Variants in HDGFL3 observed in about 807,000 individuals in gnomAD.
HDGFL3 encodes HDGF like 3, also known as hepatoma-derived growth factor-related protein 3.
HDGFL3 carries 6 observed loss-of-function variants against 27.6 expected under a neutral mutation model. The ratio of observed to expected loss-of-function variants is 0.22; its 90% CI spans 0.12 to 0.43. The LOEUF (loss-of-function observed/expected upper bound fraction) is 0.43. HDGFL3 is among the 20% of genes least tolerant of loss of function. HDGFL3 has a pLI of 1.00. For missense variants in HDGFL3, 207 were observed against 250.1 expected, an observed-to-expected ratio of 0.83 and a Z score of 1.16; for synonymous variants, 88 against 88.9, an observed-to-expected ratio of 0.99 and a Z score of 0.05.
intron 2 of HDGFL3, among the ~76,000 whole-genome samples, chr15:83,158,645 T>C (rs1031256073): frequency 1.3e-5 from 2 of 152,172 alleles, no homozygotes; most frequent in Non-Finnish European, 2.9e-5. Context: ...ATCATCCCTT[T>C]GTCCAGCATA....
At chr15:83,141,843 C>A (rs1206717267) in intron 5 of HDGFL3, among the ~76,000 whole-genome samples, 1 of 151,996 alleles carries the variant, frequency 6.6e-6, no homozygotes, top group African/African-American at 2.4e-5. Context: ...TTTGGAAGAC[C>A]CAAGTAATTC....
chr15:83,139,964 T>C (rs961922270), intron 5 of HDGFL3, among the ~76,000 whole-genome samples: 6 of 152,150 alleles, frequency 3.9e-5, no homozygotes, highest in African/African-American at 1.2e-4. Context: ...TGCTATTTTT[T>C]CCCCCTCATC....
At chr15:83,186,407 G>A (rs1292798833) in intron 1 of HDGFL3, among the ~76,000 whole-genome samples, 1 of 152,156 alleles carries the variant, frequency 6.6e-6, no homozygotes, top group African/African-American at 2.4e-5. Flanking sequence ...TTAACCTATT[G>A]TAATTTCCAT....
At chr15:83,139,428 T>G (rs113889907) in intron 5 of HDGFL3, among the ~76,000 whole-genome samples, 153 bp from the exon 6 acceptor site, 1 of 152,184 alleles carries the variant, frequency 6.6e-6, no homozygotes, top group African/African-American at 2.4e-5. Flanking sequence ...CAAGAGCAGC[T>G]TCTGTGGCTT....
At chr15:83,172,993 C>G (rs1487988855) in intron 1 of HDGFL3, among the ~76,000 whole-genome samples, 1 of 152,100 alleles carries the variant, frequency 6.6e-6, no homozygotes, top group Non-Finnish European at 1.5e-5. Context: ...AGAAAATTCA[C>G]GTAGAAGTGG....
intron 1 of HDGFL3, among the ~76,000 whole-genome samples, chr15:83,190,714 C>A (rs2037501534): frequency 6.6e-6 from 1 of 152,018 alleles, no homozygotes; most frequent in South Asian, 2.1e-4. Flanking sequence ...CATTTTGTGG[C>A]TTATCTTTTC....
At position 83,139,149 on chromosome 15, in the gene HDGFL3, T is replaced by G; in HGVS notation, c.*121A>C. 1.9e-6 allele frequency: 1 copy of G among 537,850 alleles called. No individual in the cohort carries two copies. Among genetic ancestry groups the G allele is most frequent in the Non-Finnish European group, 3.1e-6 (1 of 321,092 alleles). 33.3% of individuals were successfully genotyped at this position (537,850 alleles called of 1,614,324 possible). On this transcript the variant is annotated 3_prime_UTR_variant, in exon 6 of 6. Transcript: ENST00000299633. ...GAATATGAATAATGTACATACAAAC[T>G]GGGGTTCTGTCAATGACAACAAGGA...
chr15:83,115,306 C>T (rs150845598), exon 4 of HDGFL3: 12,394 of 225,520 alleles, frequency 0.055, 438 homozygotes, highest in Middle Eastern at 0.12. Context: ...TTAGTAGAGA[C>T]GGGGTTTCAA....
rs556424474 is a variant in HDGFL3, at chr15:83,147,342, G to T, written c.606+3873C>A. 3.9e-5 allele frequency among the ~76,000 whole-genome samples: 6 copies of T among 152,166 alleles called. No homozygotes were observed. The East Asian group carries it at 1.2e-3, about 29-fold the overall frequency. On this transcript the variant is annotated intron_variant, in intron 5 of 5. Transcript: ENST00000299633. ...CCCAAAGTGCTGGGACTACAGGTGT[G>T]AGCCACCGCACCTGGCCCTACCTTC...
chr15:83,125,662 T>C (rs530224502), downstream of HDGFL3, among the ~76,000 whole-genome samples: 1 of 152,334 alleles, frequency 6.6e-6, no homozygotes, highest in East Asian at 1.9e-4. Context: ...AATTATATTG[T>C]TAATTATATT....
chr15:83,126,415 G>T (rs1435715418), downstream of HDGFL3, among the ~76,000 whole-genome samples: 2 of 152,178 alleles, frequency 1.3e-5, no homozygotes, highest in African/African-American at 2.4e-5. Flanking sequence ...TTTTCTTCCT[G>T]TAGGGAATAG....
At chr15:83,195,411 ATG>A (rs1040208324) in intron 1 of HDGFL3, among the ~76,000 whole-genome samples, 2 of 152,100 alleles carry the variant, frequency 1.3e-5, no homozygotes, top group Non-Finnish European at 2.9e-5. Context: ...TACTGAATAA[ATG>A]TGTCTTTTTA....
intron 5 of HDGFL3, among the ~76,000 whole-genome samples, chr15:83,149,765 G>C (rs771689502): frequency 1.3e-5 from 2 of 152,170 alleles, no homozygotes; most frequent in Non-Finnish European, 2.9e-5. Context: ...AGGGAAAAGT[G>C]AAAAGGGTAA....
At chr15:83,180,263 A>G (rs928005018) in intron 1 of HDGFL3, among the ~76,000 whole-genome samples, 2 of 152,188 alleles carry the variant, frequency 1.3e-5, no homozygotes, top group African/African-American at 4.8e-5. Context: ...CAAATTACTA[A>G]GAAAAATTAT....
intron 4 of HDGFL3, among the ~76,000 whole-genome samples, chr15:83,156,566 T>C (rs2037032175): frequency 6.6e-6 from 1 of 152,252 alleles, no homozygotes; most frequent in Non-Finnish European, 1.5e-5. Flanking sequence ...TTTACAGTCA[T>C]GTCACATAGT....
intron 1 of HDGFL3, among the ~76,000 whole-genome samples, chr15:83,186,479 A>G (rs62010247): frequency 0.031 from 4,690 of 152,332 alleles, 104 homozygotes; most frequent in Non-Finnish European, 0.047. Context: ...AAGACAGCAA[A>G]AGAACATAGA....
chr15:83,124,059 A>G (rs1226989788), downstream of HDGFL3, among the ~76,000 whole-genome samples: 5 of 152,198 alleles, frequency 3.3e-5, no homozygotes, highest in African/African-American at 7.2e-5. Flanking sequence ...TACATTAAGT[A>G]TAACAGTGAA....
rs2036118614 is a variant in HDGFL3, at chr15:83,130,137, G to A, written c.*9133C>T. 1 of 152,284 alleles carries A rather than the reference G, an allele frequency of 6.6e-6. No homozygotes were observed. Among genetic ancestry groups the A allele is most frequent in the African/African-American group, 2.4e-5 (1 of 41,448 alleles). 9.4% of individuals were successfully genotyped at this position (152,284 alleles called of 1,614,324 possible). ...AGCAGGCTGGTTAAAGAGACCAGATGTTGGACCTGGTCAAGTCTCAGGAGA... is the reference window on the plus strand; with the variant it reads ...AGCAGGCTGGTTAAAGAGACCAGATATTGGACCTGGTCAAGTCTCAGGAGA... On this transcript the variant is annotated 3_prime_UTR_variant, in exon 6 of 6. Coordinates refer to ENST00000299633, the MANE Select transcript of HDGFL3 (RefSeq NM_016073.4).
At position 83,179,326 on chromosome 15, in the gene HDGFL3, T is replaced by A. The variant is rs2037351982; in HGVS notation, c.85-15251A>T. The A allele has an allele frequency of 2.6e-5, 4 of 152,416 alleles. 1 individual carries two copies. The South Asian group carries it at 8.3e-4, about 32-fold the overall frequency. 9.4% of individuals were successfully genotyped at this position (152,416 alleles called of 1,614,324 possible). Reference sequence around the variant, plus strand: ...TGGGTGTTGTGTGTTCAGCCATGCCTATAACCACAGGGTGGGAATCCCTCC... The same window carrying A: ...TGGGTGTTGTGTGTTCAGCCATGCCAATAACCACAGGGTGGGAATCCCTCC... On this transcript the variant is annotated intron_variant, in intron 1 of 5. Transcript: ENST00000299633.
Sources: allele counts gnomAD v4.1 joint callset (sites outside exome capture counted in the v4.1 genomes callset), GRCh38; gene constraint gnomAD v4.1.1; transcripts MANE v1.5; gene names NCBI Gene and HGNC (gene_info 2026-07-23, HGNC 2026-07-21).